Variants in BABAM2 observed in about 807,000 individuals in gnomAD.
BABAM2 encodes the protein BRISC and BRCA1 A complex member 2, also known as BRISC and BRCA1-A complex member 2.
A neutral mutation model predicts 54.7 loss-of-function variants in BABAM2; 31 were observed. That is an observed-to-expected ratio of 0.57 (90% CI 0.43 to 0.77). The LOEUF is 0.77. Ranked by LOEUF, BABAM2 falls within the 30% of genes least tolerant of loss-of-function variation. The probability of loss-of-function intolerance (pLI) is 0.00; values close to 1 mark genes in which losing one functional copy is unlikely to be tolerated. For missense variants in BABAM2, 364 were observed against 455.8 expected (o/e 0.80, Z 1.83); for synonymous variants, 167 against 162.9 (o/e 1.03, Z -0.19).
chr2:28,016,547 G>T, intron 4 of BABAM2: 1 of 639,360 alleles, frequency 1.6e-6, no homozygotes, highest in Non-Finnish European at 2.8e-6. Flanking sequence ...GCCGAAGCGG[G>T]CCCGCCGCAG....
At chr2:28,272,647 C>T (rs183044002) in intron 10 of BABAM2, among the ~76,000 whole-genome samples, 20 of 152,242 alleles carry the variant, frequency 1.3e-4, no homozygotes, top group Admixed American at 1.2e-3. Context: ...CAGCGGGGCT[C>T]CACGTAAACC....
chr2:28,150,595 A>T (rs1392408290), intron 7 of BABAM2, among the ~76,000 whole-genome samples: 3 of 152,236 alleles, frequency 2.0e-5, no homozygotes, highest in African/African-American at 7.2e-5. Flanking sequence ...CTCTTGAAGG[A>T]GGACCAGTTC....
intron 2 of BABAM2, among the ~76,000 whole-genome samples, chr2:27,917,329 T>A (rs1667054050): frequency 6.6e-6 from 1 of 152,200 alleles, no homozygotes; most frequent in African/African-American, 2.4e-5. Context: ...AGTGTTTTTT[T>A]AAATTATGCA....
At chr2:28,165,200 G>A (rs1254999928) in intron 7 of BABAM2, among the ~76,000 whole-genome samples, 1 of 152,172 alleles carries the variant, frequency 6.6e-6, no homozygotes, top group Non-Finnish European at 1.5e-5. Flanking sequence ...TACTATAATA[G>A]TAGGGTGTTC....
intron 4 of BABAM2, among the ~76,000 whole-genome samples, chr2:27,994,208 G>C (rs1672972746): frequency 6.6e-6 from 1 of 152,144 alleles, no homozygotes; most frequent in Non-Finnish European, 1.5e-5. Flanking sequence ...ACAGAGTACT[G>C]TGGGAACATG....
At chr2:28,278,103 G>C (rs1686032908) in intron 10 of BABAM2, among the ~76,000 whole-genome samples, 1 of 152,190 alleles carries the variant, frequency 6.6e-6, no homozygotes, top group South Asian at 2.1e-4. Context: ...TAGGATAAGT[G>C]AGTTAAGGAA....
intron 7 of BABAM2, among the ~76,000 whole-genome samples, chr2:28,187,880 C>G (rs1248092882): frequency 6.6e-6 from 1 of 152,068 alleles, no homozygotes; most frequent in Non-Finnish European, 1.5e-5. Context: ...GTTGGTCAGA[C>G]TGGTCTGGAA....
chr2:27,962,196 C>A (rs1239856623), intron 3 of BABAM2, among the ~76,000 whole-genome samples: 1 of 152,126 alleles, frequency 6.6e-6, no homozygotes, highest in East Asian at 1.9e-4. Context: ...GCCTCAAACT[C>A]CTGGGTTAAA....
At chr2:28,052,076 T>G (rs985098446) in intron 6 of BABAM2, among the ~76,000 whole-genome samples, 2 of 152,180 alleles carry the variant, frequency 1.3e-5, no homozygotes, top group East Asian at 3.8e-4. Flanking sequence ...GAGAACACTT[T>G]AAGTAGGATG....
At chr2:28,334,397 GCT>G (rs987238073) in intron 11 of BABAM2, among the ~76,000 whole-genome samples, 20 of 152,362 alleles carry the variant, frequency 1.3e-4, no homozygotes, top group African/African-American at 3.8e-4. Context: ...GGCAGCAGTG[GCT>G]CCAGCACCAT....
chr2:28,331,192 A>G (rs891427309), intron 11 of BABAM2, among the ~76,000 whole-genome samples: 1 of 152,238 alleles, frequency 6.6e-6, no homozygotes, highest in African/African-American at 2.4e-5. Flanking sequence ...TAAAGACTTA[A>G]ATATAAAACC....
chr2:28,089,827 C>T (rs1358353783), intron 6 of BABAM2, among the ~76,000 whole-genome samples: 1 of 152,112 alleles, frequency 6.6e-6, no homozygotes, highest in Non-Finnish European at 1.5e-5. Context: ...CCACAAATTA[C>T]CTTCAATGCG....
chr2:28,338,372 T>C lies in BABAM2; in HGVS notation c.1089-78T>C, dbSNP rs140376564. 9.0e-4 allele frequency: 1,171 copies of C among 1,297,618 alleles called. 7 individuals carry two copies. Among genetic ancestry groups the C allele is most frequent in the Middle Eastern group, 8.9e-3 (48 of 5,386 alleles). 80.4% of individuals were successfully genotyped at this position (1,297,618 alleles called of 1,614,324 possible). On this transcript the variant is annotated intron_variant, in intron 11 of 11. Coordinates refer to ENST00000379624, the MANE Select transcript of BABAM2 (RefSeq NM_199191.3). The stretch of plus-strand genomic sequence containing the variant: ...TAAATAACAACTGTTCTGAGTTAGC[T>C]TGAAAGCTCCCAGTTGCACTTTGTT...
At chr2:28,012,964 C>T (rs969271780) in intron 4 of BABAM2, among the ~76,000 whole-genome samples, 4 of 152,098 alleles carry the variant, frequency 2.6e-5, no homozygotes, top group Non-Finnish European at 4.4e-5. Context: ...GAAAGAAACA[C>T]AAGTTGGAAT....
At chr2:28,200,214 T>C (rs948629813) in intron 7 of BABAM2, among the ~76,000 whole-genome samples, 2 of 152,210 alleles carry the variant, frequency 1.3e-5, no homozygotes, top group East Asian at 3.9e-4. Context: ...CTTCACTGAA[T>C]TCCTTTCCCC....
chr2:27,906,683 A>C (rs1016046857), intron 2 of BABAM2, among the ~76,000 whole-genome samples: 1 of 152,054 alleles, frequency 6.6e-6, no homozygotes, highest in African/African-American at 2.4e-5. Context: ...CTTTAGGGTG[A>C]CTTCATTTGG....
intron 10 of BABAM2, among the ~76,000 whole-genome samples, chr2:28,249,933 T>G (rs1364390810): frequency 6.6e-6 from 1 of 152,136 alleles, no homozygotes; most frequent in Admixed American, 6.5e-5. Context: ...ACACCCAGCT[T>G]CTTGTCTTTC....
chr2:28,276,288 C>A (rs1191442912), intron 10 of BABAM2, among the ~76,000 whole-genome samples: 1 of 147,658 alleles, frequency 6.8e-6, no homozygotes, highest in Non-Finnish European at 1.5e-5. Flanking sequence ...TTGGTACTTT[C>A]TCTCAGAATT....
chr2:27,896,769 CAGCAGCTTGTGCCCAGCTGGGTCTGG>C, intron 2 of BABAM2: 4 of 234,588 alleles, frequency 1.7e-5, no homozygotes, highest in South Asian at 1.4e-4. Context: ...GCAACTGGGC[CAGCAGCTTGTGCCCAGCTGGGTCTGG>C]AGCAGCTTGT....
Sources: gnomAD v4.1 joint callset for allele counts (sites outside exome capture counted in the v4.1 genomes callset) on GRCh38, gnomAD v4.1.1 for gene constraint, MANE v1.5 for transcripts, NCBI Gene and HGNC (gene_info 2026-07-23, HGNC 2026-07-21) for gene names.